Variants in HTT observed in about 807,000 individuals in gnomAD.
HTT encodes the protein huntingtin.
In HTT, 104 loss-of-function variants were observed where a neutral mutation model predicts 362.3. The ratio of observed to expected loss-of-function variants is 0.29; its 90% CI spans 0.24 to 0.34. The LOEUF (loss-of-function observed/expected upper bound fraction) is 0.34. HTT is among the 10% of genes least tolerant of loss of function. The pLI is 1.00. For missense variants in HTT, 3,301 were observed against 3,928.6 expected, an observed-to-expected ratio of 0.84 and a Z score of 4.27; for synonymous variants, 1,577 against 1,548.7, an observed-to-expected ratio of 1.02 and a Z score of -0.43.
rs1485447917 is a variant in HTT, at chr4:3,182,299, G to A, written c.4750-55G>A. 4.7e-6 allele frequency: 5 copies of A among 1,070,570 alleles called. No homozygotes were observed. The African/African-American group carries it at 7.7e-5, about 17-fold the overall frequency. 66.3% of individuals were successfully genotyped at this position (1,070,570 alleles called of 1,614,324 possible). On this transcript the variant is annotated intron_variant, in intron 36 of 66. Transcript: ENST00000355072. ...GACAAGTATAACAGACGGACACGTAGGGGTGGAAAGGCGTCTCTTGGCAGC... is the reference window on the plus strand; with the variant it reads ...GACAAGTATAACAGACGGACACGTAAGGGTGGAAAGGCGTCTCTTGGCAGC...
At chr4:3,198,215 A>ATTTTTTTTTTTTTTT in intron 40 of HTT, among the ~76,000 whole-genome samples, 1 of 60,336 alleles carries the variant, frequency 1.7e-5, no homozygotes, top group Non-Finnish European at 3.1e-5. Flanking sequence ...GGATGTGTTG[A>ATTTTTTTTTTTTTTT]TTTTTTTTTT....
In HTT at chr4:3,240,747, A is replaced by C. The variant is rs1578623141; in HGVS notation, c.*688A>C. The C allele has an allele frequency of 1.3e-5, 2 of 153,064 alleles. 1 individual carries two copies. The highest frequency in any genetic ancestry group is 4.1e-4 in the South Asian group (2 of 4,848). 9.5% of individuals were successfully genotyped at this position (153,064 alleles called of 1,614,324 possible). A position where few individuals can be genotyped will look rare whatever the true frequency, so the allele number is the denominator to read the frequency against. On this transcript the variant is annotated 3_prime_UTR_variant, in exon 67 of 67. Coordinates refer to ENST00000355072, the MANE Select transcript of HTT (RefSeq NM_001388492.1). The stretch of plus-strand genomic sequence containing the variant: ...GGGGTGGTGGACAGGGCCCCCGGCC[A>C]CGCTCCCTCTCCTGTAGCCACTGGC...
chr4:3,222,247 A>T, intron 53 of HTT, 140 bp from the exon 54 acceptor site: 1 of 635,014 alleles, frequency 1.6e-6, no homozygotes. Context: ...CGCATCATAG[A>T]ACTGTGTGAG....
intron 2 of HTT, among the ~76,000 whole-genome samples, chr4:3,094,824 A>G (rs886823776): frequency 2.0e-5 from 3 of 149,732 alleles, no homozygotes; most frequent in African/African-American, 7.4e-5. Context: ...GCGGCTGGTC[A>G]GAGACGCTCC....
intron 36 of HTT, among the ~76,000 whole-genome samples, chr4:3,182,115 C>A (rs1718550173): frequency 6.6e-6 from 1 of 152,200 alleles, no homozygotes. Flanking sequence ...GCAAATCCTC[C>A]TGAGCAAAGT....
At chr4:3,099,677 G>T (rs1435637646) in intron 3 of HTT, among the ~76,000 whole-genome samples, 1 of 149,458 alleles carries the variant, frequency 6.7e-6, no homozygotes, top group Non-Finnish European at 1.5e-5. Context: ...GTGCTCTGTT[G>T]TATGGTTTGG....
chr4:3,162,164 A>C (rs981783449), intron 29 of HTT, among the ~76,000 whole-genome samples: 4 of 152,200 alleles, frequency 2.6e-5, no homozygotes, highest in Admixed American at 2.0e-4. Context: ...TCCCAACACC[A>C]TTTATTAAAT....
At position 3,107,376 on chromosome 4, in the gene HTT, A is replaced by C; in HGVS notation, c.700A>C (p.Lys234Gln). 6.2e-7 allele frequency: 1 copy of C among 1,614,214 alleles called. No homozygotes were observed. Among genetic ancestry groups the C allele is most frequent in the Non-Finnish European group, 8.5e-7 (1 of 1,180,022 alleles). ...GGAGACCTTGGCTGCAGCTGTTCCC[A>C]AAATTATGGCTTCTTTTGGCAATTT... ...VQETLAAAVP[K>Q]IMASFGNFAN... is the part of the protein sequence containing the mutation. The change falls in exon 6 of 67, where the codon AAA (lysine) becomes CAA (glutamine). Residue 234 changes from lysine (K) to glutamine (Q), a missense_variant. Around this residue, in one of 4 missense-constraint regions of HTT, gnomAD observed 2,316 missense variants for 2,658.5 expected, o/e 0.87. Transcript: ENST00000355072.
At chr4:3,091,422 G>C (rs1713501923) in intron 2 of HTT, among the ~76,000 whole-genome samples, 1 of 152,086 alleles carries the variant, frequency 6.6e-6, no homozygotes, top group Non-Finnish European at 1.5e-5. Flanking sequence ...CTTAGTTTGA[G>C]GAAGGTTAAC....
intron 12 of HTT, chr4:3,129,170 G>A (rs939030710): frequency 2.0e-5 from 3 of 152,168 alleles, no homozygotes; most frequent in African/African-American, 7.2e-5. Context: ...ATGGACACTT[G>A]TATTGCTTCA....
Position 3,228,680 on chromosome 4 carries a change from G to T in HTT, c.7914G>T (p.Glu2638Asp), listed in dbSNP as rs1355861829. The T allele has an allele frequency of 1.9e-6, 3 of 1,609,660 alleles. No individual in the cohort carries two copies. In the East Asian group the frequency reaches 6.7e-5, roughly 36 times the overall value. The change falls in exon 58 of 67, where the codon GAG becomes GAT. Residue 2638 changes from glutamate to aspartate, a missense_variant. By Grantham distance (45) the Glu-to-Asp change is conservative. Around this residue, in one of 4 missense-constraint regions of HTT, gnomAD observed 753 missense variants for 1,021.3 expected, o/e 0.74. Coordinates refer to ENST00000355072, the MANE Select transcript of HTT (RefSeq NM_001388492.1). The surrounding 1 kb of genome is among the most constrained non-coding windows in gnomAD (Gnocchi z 4.3). ...ITPLREEEWD[E>D]EEEEEADAPA... Reference sequence around the variant, plus strand: ...CCCTGAGGGAGGAGGAATGGGACGAGGAAGAGGAGGAGGAGGCCGACGCCC... The same window carrying T: ...CCCTGAGGGAGGAGGAATGGGACGATGAAGAGGAGGAGGAGGCCGACGCCC...
Position 3,206,366 on chromosome 4 carries a change from T to C in HTT, c.5719-130T>C, listed in dbSNP as rs954023891. ...CTCAATTATTTGTGCTCATACACTG[T>C]ATATTTTTAGTGAGGTTTATATTTG... On this transcript the variant is annotated intron_variant, in intron 42 of 66. Coordinates refer to ENST00000355072, the MANE Select transcript of HTT (RefSeq NM_001388492.1). This position sits in a 1 kb window ranked among gnomAD's most constrained non-coding sequence, Gnocchi z 4.6. 2 of 700,544 alleles carry C rather than the reference T, an allele frequency of 2.9e-6. No individual in the cohort carries two copies. The highest frequency in any genetic ancestry group is 4.8e-6 in the Non-Finnish European group (2 of 413,470). The allele number at this position is 700,544 out of a possible 1,614,324, so 43.4% of individuals were successfully genotyped here.
intron 61 of HTT, among the ~76,000 whole-genome samples, chr4:3,233,968 G>A (rs1381240805): frequency 6.6e-6 from 1 of 152,224 alleles, no homozygotes; most frequent in African/African-American, 2.4e-5. Context: ...CTGAGTCATA[G>A]GCTTCTGCAC....
chr4:3,157,960 T>C (rs1717235382), intron 28 of HTT, among the ~76,000 whole-genome samples: 1 of 152,152 alleles, frequency 6.6e-6, no homozygotes, highest in Non-Finnish European at 1.5e-5. Context: ...TATATCAATC[T>C]ATCTGTCTGC....
intron 26 of HTT, among the ~76,000 whole-genome samples, chr4:3,152,764 A>G (rs1716961634): frequency 6.7e-6 from 1 of 149,380 alleles, no homozygotes; most frequent in Non-Finnish European, 1.5e-5. Context: ...CTCCTGCCTC[A>G]GCCTCCCGAG....
chr4:3,229,490 A>T (rs928428383), intron 59 of HTT, among the ~76,000 whole-genome samples: 2 of 145,764 alleles, frequency 1.4e-5, no homozygotes, highest in African/African-American at 5.2e-5. Context: ...CACACACTAC[A>T]CACACGCCAC....
chr4:3,125,771 C>T (rs540879115), intron 11 of HTT, 142 bp downstream of exon 11: 25 of 633,148 alleles, frequency 3.9e-5, no homozygotes, highest in South Asian at 1.7e-4. Context: ...GGGGCATATT[C>T]GGGCTTCTTT....
At chr4:3,117,858 T>C (rs1435941744) in intron 8 of HTT, among the ~76,000 whole-genome samples, 1 of 152,136 alleles carries the variant, frequency 6.6e-6, no homozygotes, top group East Asian at 1.9e-4. Flanking sequence ...CAAAACAACG[T>C]CACAAAACAG....
intron 2 of HTT, among the ~76,000 whole-genome samples, chr4:3,089,234 C>T (rs1231798227): frequency 2.0e-5 from 3 of 152,106 alleles, no homozygotes; most frequent in Non-Finnish European, 4.4e-5. Flanking sequence ...CGATGCCCAT[C>T]ATCCAAAGCT....
Sources: allele counts gnomAD v4.1 joint callset (sites outside exome capture counted in the v4.1 genomes callset), GRCh38; gene constraint gnomAD v4.1.1; regional missense constraint gnomAD v4.1.1; non-coding constraint Gnocchi (gnomAD v3.1); transcripts MANE v1.5; gene names NCBI Gene and HGNC (gene_info 2026-07-23, HGNC 2026-07-21).